The following DPYD variants were observed in gnomAD, a reference collection of about 807,000 sequenced individuals.
DPYD encodes the protein dihydropyrimidine dehydrogenase [NADP(+)].
Under a neutral mutation model 116.2 loss-of-function variants are expected in DPYD, and 109 were observed. The ratio of observed to expected loss-of-function variants is 0.94; its 90% confidence interval spans 0.80 to 1.10. The LOEUF (loss-of-function observed/expected upper bound fraction) is 1.10. Ranked by LOEUF, DPYD falls within the 50% of genes least tolerant of loss-of-function variation. The pLI is 0.00. For synonymous variants in DPYD, 440 were observed against 432.0 expected, an observed-to-expected ratio of 1.02 and a Z score of -0.23; for missense variants, 1,302 against 1,254.5, an observed-to-expected ratio of 1.04 and a Z score of -0.57.
At chr1:97,368,471 G>A (rs1229417959) in intron 16 of DPYD, among the ~76,000 whole-genome samples, 1 of 152,088 alleles carries the variant, frequency 6.6e-6, no homozygotes, top group Non-Finnish European at 1.5e-5. Flanking sequence ...ATCCCAAGAG[G>A]GTTATATGAC....
At chr1:97,417,287 GTTTA>G (rs946830369) in intron 14 of DPYD, among the ~76,000 whole-genome samples, 1 of 150,402 alleles carries the variant, frequency 6.6e-6, no homozygotes, top group Non-Finnish European at 1.5e-5. Flanking sequence ...ATTTCTATTT[GTTTA>G]TTTGTCTATT....
intron 18 of DPYD, among the ~76,000 whole-genome samples, chr1:97,274,539 T>C (rs1174178475): frequency 1.3e-5 from 2 of 152,170 alleles, no homozygotes; most frequent in Non-Finnish European, 2.9e-5. Context: ...CTCTTTTCTT[T>C]ATAAATTACC....
intron 21 of DPYD, among the ~76,000 whole-genome samples, chr1:97,083,395 AT>A (rs1472922780): frequency 6.6e-6 from 1 of 151,936 alleles, no homozygotes; most frequent in Non-Finnish European, 1.5e-5. Flanking sequence ...ATTTTCTGCT[AT>A]TTTTATAATC....
rs1019586580 is a variant in DPYD at position 97,096,668 on chromosome 1, G to T, written c.2766+1821C>A. Reference sequence around the variant, plus strand: ...TGCACAAATCAGTGCTCTGTAAAACGCACGAATCAGCAGGGTCCTAAAAGT... The same window carrying T: ...TGCACAAATCAGTGCTCTGTAAAACTCACGAATCAGCAGGGTCCTAAAAGT... On this transcript the variant is annotated intron_variant, in intron 21 of 22. Transcript: ENST00000370192. Among the ~76,000 whole-genome samples, 3 of 152,204 alleles carry T rather than the reference G, an allele frequency of 2.0e-5. No individual in the cohort carries two copies. The South Asian group carries it at 6.2e-4, about 32-fold the overall frequency.
In DPYD at chr1:97,679,152, C is replaced by T; in HGVS notation, c.793G>A (p.Glu265Lys). The part of the protein sequence containing the change: ...IICGKSLSVN[E>K]MTLSTLKEKG... ...TCTTTCAAAGTGCTAAGAGTCATTT[C>T]ATTCACTGAAAGGCTTTTACCGCAA... Residue 265 changes from glutamate (E) to lysine (K), a missense_variant, in exon 8 of 23, where the codon GAA becomes AAA. Coordinates refer to ENST00000370192, the MANE Select transcript of DPYD (RefSeq NM_000110.4). The T allele has an allele frequency of 1.3e-6, 2 of 1,589,540 alleles. No individual in the cohort carries two copies. Among genetic ancestry groups the T allele is most frequent in the South Asian group, 1.1e-5 (1 of 87,004 alleles).
At chr1:97,603,003 T>C (rs1010521060) in intron 8 of DPYD, among the ~76,000 whole-genome samples, 35 of 152,192 alleles carry the variant, frequency 2.3e-4, no homozygotes, top group Admixed American at 1.7e-3. Flanking sequence ...AAGTATACTT[T>C]GTCTCTTGAG....
intron 13 of DPYD, among the ~76,000 whole-genome samples, chr1:97,472,689 C>T (rs570363716): frequency 2.0e-4 from 30 of 152,260 alleles, no homozygotes; most frequent in Non-Finnish European, 4.4e-4. Flanking sequence ...AAACATCTAT[C>T]TTTAAGGACA....
chr1:97,481,917 CAT>C (rs1474331343), intron 13 of DPYD, among the ~76,000 whole-genome samples: 1 of 152,258 alleles, frequency 6.6e-6, no homozygotes, highest in South Asian at 2.1e-4. Flanking sequence ...TAGACACACA[CAT>C]ACAAACATTT....
intron 20 of DPYD, among the ~76,000 whole-genome samples, chr1:97,175,830 G>C (rs1475910182): frequency 1.3e-5 from 2 of 152,034 alleles, no homozygotes; most frequent in African/African-American, 2.4e-5. Context: ...ATATAATTTA[G>C]GCTACATAAA....
chr1:97,148,361 C>T (rs1312719692), intron 20 of DPYD, among the ~76,000 whole-genome samples: 1 of 152,040 alleles, frequency 6.6e-6, no homozygotes, highest in Non-Finnish European at 1.5e-5. Context: ...TCCACATTTG[C>T]TTGCAGTTTG....
chr1:97,875,757 G>A lies in DPYD; in HGVS notation c.150+7507C>T, dbSNP rs556817539. On this transcript the variant is annotated intron_variant, in intron 2 of 22. Transcript: ENST00000370192. ...TCTTTAATTTTCCTAAGACACACAC[G>A]CAAAATTATTAAATTTACACATTAA... Among the ~76,000 whole-genome samples the A allele has an allele frequency of 1.9e-4, 29 of 151,686 alleles. No homozygotes were observed. In the South Asian group the frequency reaches 4.8e-3, roughly 25 times the overall value.
intron 20 of DPYD, among the ~76,000 whole-genome samples, chr1:97,115,889 GA>G (rs1438805624): frequency 6.6e-6 from 1 of 152,224 alleles, no homozygotes; most frequent in East Asian, 1.9e-4. Context: ...TAATAAGTAA[GA>G]AATGCTCATT....
At chr1:97,887,466 C>A (rs1381377089) in intron 1 of DPYD, among the ~76,000 whole-genome samples, 2 of 39,212 alleles carry the variant, frequency 5.1e-5, no homozygotes, top group African/African-American at 2.1e-4. Context: ...TGAGACTCTG[C>A]ATTAAAAAAA....
chr1:97,466,360 G>A (rs1469380514), intron 13 of DPYD, among the ~76,000 whole-genome samples: 1 of 152,106 alleles, frequency 6.6e-6, no homozygotes. Flanking sequence ...ATGGTTATAA[G>A]GAACATCATC....
At chr1:97,701,272 TAAAG>T (rs1156795448) in intron 5 of DPYD, among the ~76,000 whole-genome samples, 1 of 149,950 alleles carries the variant, frequency 6.7e-6, no homozygotes, top group Non-Finnish European at 1.5e-5. Flanking sequence ...TTACTAAACT[TAAAG>T]AACATTTCAT....
In DPYD at chr1:97,636,429, C is replaced by T. The variant is rs140440780; in HGVS notation, c.851-41263G>A. Among the ~76,000 whole-genome samples the T allele has an allele frequency of 1.3e-5, 2 of 152,012 alleles. 1 individual carries two copies. Among genetic ancestry groups the T allele is most frequent in the East Asian group, 3.9e-4 (2 of 5,148 alleles). Reference sequence around the variant, plus strand: ...CAGCTGTGTTACCCTGGGCAAGTCACCCGACCTTTCCAATTTCATGATCTT... The same window carrying T: ...CAGCTGTGTTACCCTGGGCAAGTCATCCGACCTTTCCAATTTCATGATCTT... On this transcript the variant is annotated intron_variant, in intron 8 of 22. Coordinates refer to ENST00000370192, the MANE Select transcript of DPYD (RefSeq NM_000110.4).
intron 12 of DPYD, among the ~76,000 whole-genome samples, chr1:97,531,230 A>C (rs952860741): frequency 3.3e-5 from 5 of 152,178 alleles, no homozygotes; most frequent in African/African-American, 1.2e-4. Context: ...GCTTCCTTCT[A>C]AGGAGTTTTA....
At position 97,178,958 on chromosome 1, in the gene DPYD, A is replaced by C. The variant is rs138428533; in HGVS notation, c.2622+14111T>G. 1.8e-3 allele frequency among the ~76,000 whole-genome samples: 276 copies of C among 152,268 alleles called. 3 individuals are homozygous for C. The highest frequency in any genetic ancestry group is 6.4e-3 in the African/African-American group (264 of 41,554). ...AGTGTTCATCGTGGCAGAGAAAGGG[A>C]GTAGGGAGAATTGAGTGCTAGTGCT... On this transcript the variant is annotated intron_variant, in intron 20 of 22. Coordinates refer to ENST00000370192, the MANE Select transcript of DPYD (RefSeq NM_000110.4).
intron 8 of DPYD, among the ~76,000 whole-genome samples, chr1:97,603,471 C>T (rs769447320): frequency 9.9e-5 from 15 of 151,926 alleles, no homozygotes; most frequent in Non-Finnish European, 1.6e-4. Context: ...ACATACATAA[C>T]GGAAAAAAAC....
Sources: allele counts gnomAD v4.1 joint callset (sites outside exome capture counted in the v4.1 genomes callset), GRCh38; gene constraint gnomAD v4.1.1; transcripts MANE v1.5; gene names NCBI Gene and HGNC (gene_info 2026-07-23, HGNC 2026-07-21).